CAPN10: variants seen among roughly 807,000 people sequenced by gnomAD.
The protein encoded by CAPN10 is calpain-10.
A neutral mutation model predicts 78.4 loss-of-function variants in CAPN10; 71 were observed. The ratio of observed to expected loss-of-function variants is 0.91; its 90% CI spans 0.75 to 1.10. The LOEUF is 1.10. CAPN10 is among the 50% of genes least tolerant of loss of function. The probability of loss-of-function intolerance (pLI) is 0.00; values close to 1 mark genes in which losing one functional copy is unlikely to be tolerated. For synonymous variants in CAPN10, 437 were observed against 407.2 expected (o/e 1.07, Z -0.88); for missense variants, 849 against 924.6 (o/e 0.92, Z 1.06).
intron 7 of CAPN10, 193 bp from the exon 8 acceptor site, chr2:240,596,126 G>A (rs765427596): frequency 2.4e-5 from 37 of 1,518,470 alleles, no homozygotes; most frequent in Middle Eastern, 2.3e-4. Flanking sequence ...AGATACTGGC[G>A]CCAGGGCCAA....
At chr2:240,594,820 G>A in intron 6 of CAPN10, 111 bp downstream of exon 6, 1 of 612,110 alleles carries the variant, frequency 1.6e-6, no homozygotes, top group Non-Finnish European at 2.3e-6. Context: ...TCTTCAGCGT[G>A]GAGAGATGAT....
chr2:240,595,885 GC>G lies in CAPN10; in HGVS notation c.1279-432del, dbSNP rs1323191213. On this transcript the variant is annotated intron_variant, in intron 7 of 11. Transcript: ENST00000391984. ...GGGCCTGAGTGTGGGTCGAGGATATGCCGGCTGCTCGCTCAGGGGCTGGGTT... is the reference window on the plus strand; with the variant it reads ...GGGCCTGAGTGTGGGTCGAGGATATGCGGCTGCTCGCTCAGGGGCTGGGTT... The G allele has an allele frequency of 1.2e-5, 15 of 1,259,476 alleles. 1 individual carries two copies. In the South Asian group the frequency reaches 1.6e-4, roughly 14 times the overall value. 78.0% of individuals were successfully genotyped at this position (1,259,476 alleles called of 1,614,324 possible).
intron 9 of CAPN10, among the ~76,000 whole-genome samples, chr2:240,597,478 C>T (rs2093144296): frequency 6.6e-6 from 1 of 152,190 alleles, no homozygotes; most frequent in Non-Finnish European, 1.5e-5. Context: ...CCCTGGAATG[C>T]AGGGGCCCTG....
chr2:240,598,553 G>A, intron 11 of CAPN10, 98 bp from the exon 12 acceptor site: 1 of 1,464,450 alleles, frequency 6.8e-7, no homozygotes, highest in Non-Finnish European at 9.4e-7. Context: ...AAGGGCAGGG[G>A]GAGCTGAGGC....
intron 9 of CAPN10, 54 bp from the exon 10 acceptor site, chr2:240,597,834 T>C: frequency 1.3e-6 from 2 of 1,497,484 alleles, no homozygotes; most frequent in Admixed American, 4.0e-5. Context: ...GGCCCTGGGC[T>C]GGGCTCCCTA....
chr2:240,598,204 G>T, intron 10 of CAPN10, 117 bp downstream of exon 10: 1 of 1,354,382 alleles, frequency 7.4e-7, no homozygotes. Context: ...TATCTGTCCT[G>T]GCAGACCAGG....
chr2:240,593,463 C>T (rs2093116046), intron 4 of CAPN10, among the ~76,000 whole-genome samples: 1 of 152,250 alleles, frequency 6.6e-6, no homozygotes, highest in South Asian at 2.1e-4. Context: ...GGCCTCCATG[C>T]CTCCAGTGGG....
At chr2:240,588,662 T>C (rs2093082925) in intron 1 of CAPN10, among the ~76,000 whole-genome samples, 1 of 152,158 alleles carries the variant, frequency 6.6e-6, no homozygotes, top group African/African-American at 2.4e-5. Context: ...GCTCAGAAGC[T>C]AGAGGAGCCT....
Position 240,598,102 on chromosome 2 carries a change from C to T in CAPN10, c.1943+15C>T. The T allele has an allele frequency of 6.3e-7, 1 of 1,596,630 alleles. No individual in the cohort carries two copies. Among genetic ancestry groups the T allele is most frequent in the South Asian group, 1.1e-5 (1 of 89,832 alleles). On this transcript the variant is annotated intron_variant, in intron 10 of 11. Transcript: ENST00000391984. ...AGGATTGACAGGTGGGGCTCTGGGACTTGGGGGCGGCCAGCTGGAGGCTGG... is the reference window on the plus strand; with the variant it reads ...AGGATTGACAGGTGGGGCTCTGGGATTTGGGGGCGGCCAGCTGGAGGCTGG...
At position 240,594,663 on chromosome 2, in the gene CAPN10, TG is replaced by T. The variant is rs750247008; in HGVS notation, c.953del (p.Gly318AlafsTer110). The T allele has an allele frequency of 6.2e-7, 1 of 1,613,774 alleles. No individual in the cohort carries two copies. Among genetic ancestry groups the T allele is most frequent in the East Asian group, 2.2e-5 (1 of 44,868 alleles). Reference protein sequence around the residue: ...FLREFDELTVGYPVTEAGHLQ... With the variant: ...FLREFDELTVXYPVTEAGHLQ... ...TCAGGGAGTTTGACGAGCTCACCGT[TG>T]GCTACCCGGTCACGGAGGCCGGCCA... On this transcript the variant is annotated frameshift_variant, in exon 6 of 12. Transcript: ENST00000391984. LOFTEE classifies it high-confidence loss of function.
chr2:240,598,160 C>G (rs540184096), intron 10 of CAPN10, 73 bp downstream of exon 10: 18 of 1,449,824 alleles, frequency 1.2e-5, no homozygotes, highest in East Asian at 4.6e-5. Flanking sequence ...CCTGTCCCCC[C>G]ACGTCTCCTG....
intron 7 of CAPN10, chr2:240,595,931 C>T: frequency 7.5e-7 from 1 of 1,335,346 alleles, no homozygotes; most frequent in South Asian, 1.2e-5. Flanking sequence ...TGTGTCTTGA[C>T]AGGGTGTGAC....
Position 240,592,167 on chromosome 2 carries a change from G to A in CAPN10, c.688+17G>A, listed in dbSNP as rs2975761. On this transcript the variant is annotated intron_variant, in intron 4 of 11. Transcript: ENST00000391984. ...CCAGAGCAGGTGAGGCACGTGGCCA[G>A]CATGGGAGGGCTGCAGCCAGCGTGC... 159,283 of 1,546,456 alleles carry A rather than the reference G, an allele frequency of 0.1. 8,723 individuals are homozygous for A. The highest frequency in any genetic ancestry group is 0.12 in the South Asian group (10,103 of 84,134).
At chr2:240,588,482 C>T (rs1429722852) in intron 1 of CAPN10, among the ~76,000 whole-genome samples, 1 of 151,832 alleles carries the variant, frequency 6.6e-6, no homozygotes, top group African/African-American at 2.4e-5. Context: ...GAGCATGCGG[C>T]CTCACAGAAG....
Position 240,595,170 on chromosome 2 carries a change from C to G in CAPN10, c.1144C>G (p.Leu382Val), listed in dbSNP as rs1446834881. 69 of 1,613,898 alleles carry G rather than the reference C, an allele frequency of 4.3e-5. No individual in the cohort carries two copies. The highest frequency in any genetic ancestry group is 5.7e-5 in the Non-Finnish European group (67 of 1,180,030). The change falls in exon 7 of 12, where the codon CTG (leucine) becomes GTG (valine). Residue 382 changes from leucine (L) to valine (V), a missense_variant. Transcript: ENST00000391984. ...ACCGAGTGAGGTGTACATTGCCGTC[C>G]TGCAGAGATCCAGGCTGCACGCGGC... ...SEPSEVYIAV[L>V]QRSRLHAADW...
intron 4 of CAPN10, among the ~76,000 whole-genome samples, chr2:240,593,160 G>A (rs1032101900): frequency 6.6e-6 from 1 of 152,222 alleles, no homozygotes; most frequent in South Asian, 2.1e-4. Context: ...TTAGCTCGGG[G>A]AGCTGTTGGT....
intron 8 of CAPN10, 24 bp from the exon 9 acceptor site, chr2:240,596,657 C>T (rs1267411520): frequency 6.5e-7 from 1 of 1,532,376 alleles, no homozygotes; most frequent in Non-Finnish European, 8.8e-7. Context: ...TGCCAGCGCC[C>T]TCCCATGTTT....
chr2:240,594,425 G>T, intron 5 of CAPN10, 118 bp from the exon 6 acceptor site: 1 of 1,004,090 alleles, frequency 1.0e-6, no homozygotes. Context: ...TGGGGCACGG[G>T]GTTGCTGGCA....
chr2:240,594,084 G>T, intron 5 of CAPN10, 37 bp downstream of exon 5: 4 of 1,534,324 alleles, frequency 2.6e-6, no homozygotes, highest in Non-Finnish European at 3.5e-6. Flanking sequence ...GCTGTCGGGA[G>T]GGGGGCCCAG....
Sources: allele counts gnomAD v4.1 joint callset (sites outside exome capture counted in the v4.1 genomes callset), GRCh38; gene constraint gnomAD v4.1.1; transcripts MANE v1.5; gene names NCBI Gene and HGNC (gene_info 2026-07-23, HGNC 2026-07-21).